The following OXCT1 variants were observed in gnomAD, a reference collection of about 807,000 sequenced individuals.
OXCT1 encodes 3-oxoacid CoA-transferase 1.
A neutral mutation model predicts 69.6 loss-of-function variants in OXCT1; 27 were observed. The ratio of observed to expected loss-of-function variants is 0.39; its 90% CI spans 0.29 to 0.54. The LOEUF (loss-of-function observed/expected upper bound fraction) is 0.54. OXCT1 is among the 20% of genes least tolerant of loss of function. The pLI is 0.72. For missense variants in OXCT1, 437 were observed against 650.2 expected (o/e 0.67, Z 3.57); for synonymous variants, 202 against 217.8 (o/e 0.93, Z 0.64).
intron 13 of OXCT1, among the ~76,000 whole-genome samples, chr5:41,786,105 C>T (rs368497450): frequency 2.2e-4 from 34 of 152,082 alleles, no homozygotes; most frequent in East Asian, 9.6e-4. Flanking sequence ...GGGACTCCAC[C>T]GGTAAGAGTC....
At chr5:41,805,978 C>T (rs535945550) in intron 8 of OXCT1, among the ~76,000 whole-genome samples, 1 of 152,148 alleles carries the variant, frequency 6.6e-6, no homozygotes, top group Admixed American at 6.6e-5. Flanking sequence ...ATTCTTCCAA[C>T]TAAATTCTCC....
intron 15 of OXCT1, among the ~76,000 whole-genome samples, chr5:41,743,744 C>T (rs1214369378): frequency 1.3e-5 from 2 of 152,176 alleles, no homozygotes; most frequent in African/African-American, 4.8e-5. Context: ...GGAATCCTTT[C>T]CCCATTGCTT....
At chr5:41,739,682 G>A (rs538076608) in intron 15 of OXCT1, 191 bp from the exon 16 acceptor site, 21 of 507,996 alleles carry the variant, frequency 4.1e-5, no homozygotes, top group African/African-American at 2.4e-4. Flanking sequence ...TGGCTAACAC[G>A]GTGAAACCCC....
At chr5:41,777,675 C>T (rs572090601) in intron 13 of OXCT1, among the ~76,000 whole-genome samples, 4 of 152,184 alleles carry the variant, frequency 2.6e-5, no homozygotes, top group African/African-American at 7.2e-5. Flanking sequence ...GTCCTATGTA[C>T]AATTTCTAAA....
chr5:41,818,402 G>A (rs1207298107), intron 7 of OXCT1, among the ~76,000 whole-genome samples: 2 of 152,128 alleles, frequency 1.3e-5, no homozygotes, highest in African/African-American at 4.8e-5. Context: ...GGAAATAAAA[G>A]CATTGCATCA....
At chr5:41,761,979 C>T (rs1744370955) in intron 14 of OXCT1, 132 bp downstream of exon 14, 1 of 738,378 alleles carries the variant, frequency 1.4e-6, no homozygotes. Flanking sequence ...CTTTCTCTCT[C>T]AAATGTAAAT....
intron 16 of OXCT1, among the ~76,000 whole-genome samples, chr5:41,732,128 C>T (rs1015981783): frequency 2.0e-5 from 3 of 152,098 alleles, no homozygotes; most frequent in Non-Finnish European, 2.9e-5. Context: ...TCACTTAAGA[C>T]GCAGTACAAA....
At chr5:41,854,128 T>A (rs1226466135) in intron 3 of OXCT1, among the ~76,000 whole-genome samples, 1 of 152,062 alleles carries the variant, frequency 6.6e-6, no homozygotes, top group African/African-American at 2.4e-5. Context: ...TTTCCCTATA[T>A]CATAAATCTT....
chr5:41,820,641 T>C (rs1385624861), intron 7 of OXCT1, among the ~76,000 whole-genome samples: 1 of 152,132 alleles, frequency 6.6e-6, no homozygotes, highest in Non-Finnish European at 1.5e-5. Context: ...AAACATTAGG[T>C]ATGGACAGTA....
In OXCT1 at chr5:41,797,882, C is replaced by T. The variant is rs187384197; in HGVS notation, c.1100-3133G>A. Among the ~76,000 whole-genome samples, 327 of 152,270 alleles carry T rather than the reference C, an allele frequency of 2.1e-3. 3 individuals carry two copies. Among genetic ancestry groups the T allele is most frequent in the African/African-American group, 7.7e-3 (322 of 41,576 alleles). On this transcript the variant is annotated intron_variant, in intron 11 of 16. Transcript: ENST00000196371. Reference sequence around the variant, plus strand: ...GGGTCTGGGGACCACACTTAGACCACACTGCCCTAAGCAAAAGGAACTTAC... The same window carrying T: ...GGGTCTGGGGACCACACTTAGACCATACTGCCCTAAGCAAAAGGAACTTAC...
Position 41,834,500 on chromosome 5 carries a change from A to AAC in OXCT1, c.732+5950_732+5951insGT, listed in dbSNP as rs1554016978. On this transcript the variant is annotated intron_variant, in intron 7 of 16. Transcript: ENST00000196371. ...AATGGAAACCCACAAAAAAAAAAAA[A>AAC]AAAACAAAACAGAACAGGAGTAGCT... is the stretch of plus-strand genomic sequence containing the variant. 4.5e-3 allele frequency among the ~76,000 whole-genome samples: 665 copies of AAC among 147,778 alleles called. 11 individuals carry two copies. The highest frequency in any genetic ancestry group is 0.013 in the African/African-American group (529 of 39,926).
At chr5:41,805,741 G>A in intron 8 of OXCT1, 60 bp from the exon 9 acceptor site, 1 of 1,109,592 alleles carries the variant, frequency 9.0e-7, no homozygotes, top group East Asian at 2.4e-5. Flanking sequence ...TTTTATCACT[G>A]CTGAAATAAA....
chr5:41,820,961 C>T (rs1167484857), intron 7 of OXCT1, among the ~76,000 whole-genome samples: 1 of 152,160 alleles, frequency 6.6e-6, no homozygotes. Flanking sequence ...CTAAATTGGG[C>T]ACTCACTGCT....
chr5:41,797,667 G>C (rs1425839342), intron 11 of OXCT1, among the ~76,000 whole-genome samples: 2 of 152,160 alleles, frequency 1.3e-5, no homozygotes, highest in African/African-American at 4.8e-5. Flanking sequence ...CCACACAATA[G>C]TAAATGCCTA....
intron 16 of OXCT1, among the ~76,000 whole-genome samples, chr5:41,732,817 G>C (rs1330025498): frequency 6.6e-6 from 1 of 152,120 alleles, no homozygotes; most frequent in East Asian, 1.9e-4. Context: ...GAAAGAACAG[G>C]CAGTCATTTG....
chr5:41,809,414 TAGAG>T (rs1561093976), intron 7 of OXCT1, among the ~76,000 whole-genome samples: 1 of 151,872 alleles, frequency 6.6e-6, no homozygotes, highest in Non-Finnish European at 1.5e-5. Flanking sequence ...AAAAAGAAAA[TAGAG>T]AGTCTAAGAA....
chr5:41,853,545 A>G lies in OXCT1; in HGVS notation c.288T>C (p.Asn96=). Residue 96 remains asparagine (N), a synonymous_variant, in exon 4 of 17, where the codon AAT becomes AAC. Transcript: ENST00000196371. ...TAVSNNAGVD[N]FGLGLLLRSK... ...ACCGAAGCAAAAGCCCCAAACCAAA[A>G]TTGTCAACCCTAGAAGGAAAATGAA... The G allele has an allele frequency of 6.2e-7, 1 of 1,613,886 alleles. No individual in the cohort carries two copies. Among genetic ancestry groups the G allele is most frequent in the Non-Finnish European group, 8.5e-7 (1 of 1,179,882 alleles).
intron 15 of OXCT1, among the ~76,000 whole-genome samples, chr5:41,743,302 C>T (rs1743281947): frequency 6.6e-6 from 1 of 152,134 alleles, no homozygotes; most frequent in Non-Finnish European, 1.5e-5. Flanking sequence ...TGTTCATATC[C>T]TTTACCCACT....
chr5:41,857,219 C>A (rs1405962457), intron 3 of OXCT1, among the ~76,000 whole-genome samples: 1 of 152,152 alleles, frequency 6.6e-6, no homozygotes, highest in African/African-American at 2.4e-5. Context: ...ACATGGCAGC[C>A]AAAGCAAGCC....
Sources: gnomAD v4.1 joint callset for allele counts (sites outside exome capture counted in the v4.1 genomes callset) on GRCh38, gnomAD v4.1.1 for gene constraint, MANE v1.5 for transcripts, NCBI Gene and HGNC (gene_info 2026-07-23, HGNC 2026-07-21) for gene names.